The following UGT2B4 variants were observed in gnomAD, a reference collection of about 807,000 sequenced individuals.
UGT2B4 encodes UDP-glucuronosyltransferase 2B4.
In UGT2B4, 49 loss-of-function variants were observed where a neutral mutation model predicts 49.8. That is an observed-to-expected ratio of 0.98 (90% CI 0.78 to 1.25). The LOEUF (loss-of-function observed/expected upper bound fraction) is 1.25. Among genes scored for constraint, UGT2B4 ranks in the 50% most tolerant of loss-of-function variants. The pLI is 0.00. For synonymous variants in UGT2B4, 246 were observed against 217.7 expected (o/e 1.13, Z -1.14); for missense variants, 729 against 627.7 (o/e 1.16, Z -1.73).
intron 1 of UGT2B4, among the ~76,000 whole-genome samples, chr4:69,506,960 C>G (rs1340533714): frequency 6.6e-6 from 1 of 152,112 alleles, no homozygotes; most frequent in Non-Finnish European, 1.5e-5. Flanking sequence ...ATAAACAGAA[C>G]TAAATACAAA....
chr4:69,486,564 T>C lies in UGT2B4; in HGVS notation c.1090+45A>G, dbSNP rs372572521. On this transcript the variant is annotated intron_variant, in intron 4 of 5. Transcript: ENST00000305107. Reference sequence around the variant, plus strand: ...TTCATGATAACTATTAACACTTTAATAATCTGTTACTAATATATTCAGTAT... The same window carrying C: ...TTCATGATAACTATTAACACTTTAACAATCTGTTACTAATATATTCAGTAT... The C allele has an allele frequency of 7.8e-5, 104 of 1,334,222 alleles. No homozygotes were observed. The African/African-American group carries it at 1.4e-3, about 18-fold the overall frequency. 82.6% of individuals were successfully genotyped at this position (1,334,222 alleles called of 1,614,324 possible).
intron 5 of UGT2B4, among the ~76,000 whole-genome samples, chr4:69,484,113 A>G (rs1480646376): frequency 6.6e-6 from 1 of 152,190 alleles, no homozygotes; most frequent in Non-Finnish European, 1.5e-5. Context: ...AGGTCTTTTT[A>G]CACCCACCAA....
chr4:69,516,302 T>G (rs948280882), intron 1 of UGT2B4, among the ~76,000 whole-genome samples: 3 of 152,190 alleles, frequency 2.0e-5, no homozygotes, highest in African/African-American at 7.2e-5. Flanking sequence ...TACATATGCA[T>G]GTATCTTTGT....
In UGT2B4 at chr4:69,502,085, T is replaced by C. The variant is rs868109371; in HGVS notation, c.-105-6119A>G. On this transcript the variant is annotated intron_variant, in intron 1 of 1. Transcript: ENST00000510114. Reference sequence around the variant, plus strand: ...TTCCTTCCTTCTTTTCTTTCTTTCTTTCTCTCTCTTTCTTTCTTTCTTTCT... The same window carrying C: ...TTCCTTCCTTCTTTTCTTTCTTTCTCTCTCTCTCTTTCTTTCTTTCTTTCT... Among the ~76,000 whole-genome samples, 77 of 82,788 alleles carry C rather than the reference T, an allele frequency of 9.3e-4. 2 individuals are homozygous for C. The highest frequency in any genetic ancestry group is 3.4e-3 in the African/African-American group (72 of 21,468). 54.3% of individuals were successfully genotyped at this position (82,788 alleles called of 152,430 possible).
intron 1 of UGT2B4, among the ~76,000 whole-genome samples, chr4:69,509,555 C>T (rs1728556826): frequency 6.6e-6 from 1 of 152,132 alleles, no homozygotes; most frequent in South Asian, 2.1e-4. Context: ...GTTGTGAATT[C>T]ATATATCATC....
intron 1 of UGT2B4, among the ~76,000 whole-genome samples, chr4:69,512,182 C>T (rs955721848): frequency 6.6e-5 from 10 of 151,418 alleles, no homozygotes; most frequent in African/African-American, 2.2e-4. Flanking sequence ...TTTCTGCCAA[C>T]GTTGGGCTTA....
chr4:69,525,790 A>G (rs1261027338), exon 1 of UGT2B4: 10 of 1,155,218 alleles, frequency 8.7e-6, no homozygotes, highest in Non-Finnish European at 1.1e-5. Flanking sequence ...GTTGACTAAC[A>G]TTTATGTTTA....
chr4:69,525,566 T>G, intron 1 of UGT2B4: 1 of 395,458 alleles, frequency 2.5e-6, no homozygotes, highest in Non-Finnish European at 3.5e-6. Context: ...TGGAGACTCA[T>G]TTTTTGGGCA....
intron 1 of UGT2B4, chr4:69,517,832 G>T: frequency 5.8e-6 from 1 of 172,988 alleles, no homozygotes; most frequent in South Asian, 1.8e-4. Flanking sequence ...TAGGAAGGTG[G>T]AGGTGGAAGT....
upstream of UGT2B4, among the ~76,000 whole-genome samples, chr4:69,499,700 T>C (rs1728252825): frequency 6.6e-6 from 1 of 152,206 alleles, no homozygotes; most frequent in Non-Finnish European, 1.5e-5. Context: ...TTCTTTCTGC[T>C]TTCTATTTGC....
chr4:69,485,372 C>T lies in UGT2B4; in HGVS notation c.1146G>A (p.Glu382=), dbSNP rs1204837072. The change falls in exon 5 of 6, where the codon GAG becomes GAA. Residue 382 remains glutamate, a synonymous_variant. Coordinates refer to ENST00000305107, the MANE Select transcript of UGT2B4 (RefSeq NM_021139.3). ...CCATAGGGATTCCATGGTAGATTGC[C>T]TCATAGATGCCATTGGCTCCACCAT... ...ITHGGANGIY[E]AIYHGIPMVG... 2.8e-5 allele frequency: 45 copies of T among 1,613,718 alleles called. No homozygotes were observed. Among genetic ancestry groups the T allele is most frequent in the Non-Finnish European group, 3.7e-5 (44 of 1,179,854 alleles).
intron 4 of UGT2B4, 114 bp downstream of exon 4, chr4:69,486,495 T>C: frequency 2.4e-6 from 1 of 417,656 alleles, no homozygotes; most frequent in Non-Finnish European, 4.1e-6. Context: ...AGAAGTTTCA[T>C]TTTATTTTTA....
At chr4:69,524,837 C>A (rs755306984) in intron 1 of UGT2B4, among the ~76,000 whole-genome samples, 1 of 152,062 alleles carries the variant, frequency 6.6e-6, no homozygotes, top group Non-Finnish European at 1.5e-5. Context: ...ACATAATTAT[C>A]CCTCTATGGA....
At chr4:69,522,714 T>C (rs1356012404) in intron 1 of UGT2B4, among the ~76,000 whole-genome samples, 1 of 152,184 alleles carries the variant, frequency 6.6e-6, no homozygotes, top group Non-Finnish European at 1.5e-5. Flanking sequence ...CTTAAACTAA[T>C]GCAATAACAT....
chr4:69,502,268 A>C (rs1029250789), intron 1 of UGT2B4, among the ~76,000 whole-genome samples: 1 of 150,398 alleles, frequency 6.6e-6, no homozygotes, highest in African/African-American at 2.5e-5. Context: ...CCAGGATGTG[A>C]AGGTTTGTTA....
chr4:69,516,922 T>C (rs1489079942), intron 1 of UGT2B4, among the ~76,000 whole-genome samples: 1 of 152,018 alleles, frequency 6.6e-6, no homozygotes, highest in Non-Finnish European at 1.5e-5. Context: ...TGCATGTATG[T>C]CTTCTTTAGA....
At chr4:69,509,702 C>CT (rs928564002) in intron 1 of UGT2B4, among the ~76,000 whole-genome samples, 3 of 151,728 alleles carry the variant, frequency 2.0e-5, no homozygotes, top group Non-Finnish European at 4.4e-5. Context: ...ATTAGGGTTT[C>CT]TTTTTTTGCT....
At chr4:69,507,336 G>T (rs899575602) in intron 1 of UGT2B4, among the ~76,000 whole-genome samples, 1 of 152,022 alleles carries the variant, frequency 6.6e-6, no homozygotes, top group African/African-American at 2.4e-5. Context: ...ATCGTCTCGG[G>T]CCAAAAGCTT....
chr4:69,490,326 C>T (rs1424115713), intron 2 of UGT2B4, among the ~76,000 whole-genome samples: 3 of 152,072 alleles, frequency 2.0e-5, no homozygotes, highest in African/African-American at 7.2e-5. Flanking sequence ...TTAAGTGGAA[C>T]AATTTTTCCC....
Sources: gnomAD v4.1 joint callset for allele counts (sites outside exome capture counted in the v4.1 genomes callset) on GRCh38, gnomAD v4.1.1 for gene constraint, MANE v1.5 for transcripts, NCBI Gene and HGNC (gene_info 2026-07-23, HGNC 2026-07-21) for gene names.